The following PRKAR1B variants were observed in gnomAD, a reference collection of about 807,000 sequenced individuals.
The protein encoded by PRKAR1B is protein kinase cAMP-dependent type I regulatory subunit beta.
In PRKAR1B, 22 loss-of-function variants were observed where a neutral mutation model predicts 46.5. The ratio of observed to expected loss-of-function variants is 0.47; its 90% CI spans 0.34 to 0.68. The LOEUF (loss-of-function observed/expected upper bound fraction) is 0.68. PRKAR1B is among the 30% of genes least tolerant of loss of function. The pLI is 0.01. For synonymous variants in PRKAR1B, 259 were observed against 217.7 expected (o/e 1.19, Z -1.67); for missense variants, 445 against 535.6 (o/e 0.83, Z 1.67).
At chr7:590,515 GC>G (rs758616783) in intron 7 of PRKAR1B, among the ~76,000 whole-genome samples, 27 of 152,356 alleles carry the variant, frequency 1.8e-4, no homozygotes, top group South Asian at 6.2e-4. Flanking sequence ...CAAGAGGCCA[GC>G]ATCCGGGGAG....
intron 2 of PRKAR1B, chr7:691,897 G>A (rs35192495): frequency 0.11 from 126,324 of 1,110,660 alleles, 7,940 homozygotes; most frequent in African/African-American, 0.2. Flanking sequence ...TGGCACAGAC[G>A]CCTCCCTGGA....
intron 2 of PRKAR1B, among the ~76,000 whole-genome samples, chr7:706,585 ATTTTTTTTTTT>A (rs754034242): frequency 6.2e-5 from 7 of 113,766 alleles, no homozygotes; most frequent in Admixed American, 2.8e-4. Context: ...TGCCCAGCTA[ATTTTTTTTTTT>A]TTTTTTTTTT....
chr7:596,439 G>A, intron 6 of PRKAR1B, 135 bp from the exon 7 acceptor site: 1 of 1,113,810 alleles, frequency 9.0e-7, no homozygotes, highest in East Asian at 2.6e-5. Context: ...TTTCGCTTGT[G>A]GGCAGAGCCC....
rs1166947058 is a variant in PRKAR1B at position 690,993 on chromosome 7, C to A, written c.178-10267G>T. ...CCATCGGCTCTGCTGCAAATCCTACCCGAAGGGTCCCGCGCCCACCCACAC... is the reference window on the plus strand; with the variant it reads ...CCATCGGCTCTGCTGCAAATCCTACACGAAGGGTCCCGCGCCCACCCACAC... On this transcript the variant is annotated intron_variant, in intron 2 of 10. Transcript: ENST00000537384. 2.6e-5 allele frequency among the ~76,000 whole-genome samples: 4 copies of A among 152,194 alleles called. No homozygotes were observed. The East Asian group carries it at 7.7e-4, about 29-fold the overall frequency.
Position 578,344 on chromosome 7 carries a change from C to T in PRKAR1B, c.891+912G>A, listed in dbSNP as rs906635144. On this transcript the variant is annotated intron_variant, in intron 9 of 10. Transcript: ENST00000537384. Reference sequence around the variant, plus strand: ...GCCCCAGCACATCCCGGGAGCTCCACGGAGCCACCTGTCGCCTGCCTGTGG... The same window carrying T: ...GCCCCAGCACATCCCGGGAGCTCCATGGAGCCACCTGTCGCCTGCCTGTGG... 7.2e-5 allele frequency among the ~76,000 whole-genome samples: 11 copies of T among 152,348 alleles called. No individual in the cohort carries two copies. In the East Asian group the frequency reaches 7.7e-4, roughly 11 times the overall value.
intron 2 of PRKAR1B, among the ~76,000 whole-genome samples, chr7:709,081 G>A (rs1191047509): frequency 4.4e-5 from 5 of 113,610 alleles, no homozygotes; most frequent in East Asian, 2.8e-4. Flanking sequence ...GTGAGCCACC[G>A]CACCCACCAG....
chr7:550,059 G>A lies in PRKAR1B; in HGVS notation c.*371C>T, dbSNP rs1046674668. 17 of 223,166 alleles carry A rather than the reference G, an allele frequency of 7.6e-5. No homozygotes were observed. In the South Asian group the frequency reaches 1.0e-3, roughly 13 times the overall value. The allele number at this position is 223,166 out of a possible 1,614,324, so 13.8% of individuals were successfully genotyped here. On this transcript the variant is annotated 3_prime_UTR_variant, in exon 11 of 11. Coordinates refer to ENST00000537384, the MANE Select transcript of PRKAR1B (RefSeq NM_001164760.2). ...GGACCTGACCTCACAGGGTCACCAG[G>A]CCCCAGGGGCAACGTCCTGGCCTGG...
intron 3 of PRKAR1B, among the ~76,000 whole-genome samples, chr7:679,513 A>G (rs1055182661): frequency 3.9e-5 from 6 of 152,232 alleles, no homozygotes; most frequent in East Asian, 1.9e-4. Context: ...ATTTTTAACA[A>G]TGCTTGCGCT....
chr7:641,113 C>G (rs972740853), intron 4 of PRKAR1B, among the ~76,000 whole-genome samples: 42 of 152,154 alleles, frequency 2.8e-4, no homozygotes, highest in African/African-American at 1.0e-3. Flanking sequence ...CCACCACGCC[C>G]GGCTAATTTT....
intron 4 of PRKAR1B, among the ~76,000 whole-genome samples, chr7:631,731 C>T (rs934445558): frequency 6.6e-6 from 1 of 151,978 alleles, no homozygotes; most frequent in African/African-American, 2.4e-5. Flanking sequence ...AGGAGAGGTT[C>T]GCTTGAGCCC....
Position 648,929 on chromosome 7 carries a change from C to T in PRKAR1B, c.440+28300G>A, listed in dbSNP as rs190034855. On this transcript the variant is annotated intron_variant, in intron 4 of 10. Coordinates refer to ENST00000537384, the MANE Select transcript of PRKAR1B (RefSeq NM_001164760.2). The stretch of plus-strand genomic sequence containing the variant: ...CTGTAATCCCAGCACTTTGGGAGGC[C>T]GAGGCAGGTGGATCGCCTGAGGTCA... 1.7e-4 allele frequency among the ~76,000 whole-genome samples: 26 copies of T among 152,154 alleles called. No individual in the cohort carries two copies. In the East Asian group the frequency reaches 4.6e-3, roughly 27 times the overall value.
chr7:578,359 C>T (rs953037180), intron 9 of PRKAR1B, among the ~76,000 whole-genome samples: 1 of 152,242 alleles, frequency 6.6e-6, no homozygotes, highest in Non-Finnish European at 1.5e-5. Flanking sequence ...CCACCTGTCG[C>T]CTGCCTGTGG....
chr7:704,880 C>T (rs551873115), intron 2 of PRKAR1B, among the ~76,000 whole-genome samples: 1 of 152,150 alleles, frequency 6.6e-6, no homozygotes, highest in African/African-American at 2.4e-5. Flanking sequence ...AACAGACAAC[C>T]TAATAAGAAA....
intron 2 of PRKAR1B, among the ~76,000 whole-genome samples, chr7:690,295 CA>C (rs948406327): frequency 3.6e-4 from 49 of 135,592 alleles, no homozygotes; most frequent in Admixed American, 3.7e-4. Flanking sequence ...GACTCTGTCT[CA>C]AAAAAAAAAA....
chr7:705,328 GA>G (rs375633603), intron 2 of PRKAR1B, among the ~76,000 whole-genome samples: 19,372 of 134,190 alleles, frequency 0.14, 1,497 homozygotes, highest in Middle Eastern at 0.21. Flanking sequence ...AAAGAAAAAA[GA>G]AAAAAAAAAA....
intron 4 of PRKAR1B, among the ~76,000 whole-genome samples, chr7:612,469 TGGATGGATGTAA>T (rs1434739807): frequency 6.9e-6 from 1 of 145,256 alleles, no homozygotes; most frequent in East Asian, 2.0e-4. Flanking sequence ...GATGGATGGA[TGGATGGATGTAA>T]GGATGGATGA....
intron 6 of PRKAR1B, among the ~76,000 whole-genome samples, chr7:604,175 C>T (rs547865905): frequency 3.9e-5 from 6 of 152,336 alleles, no homozygotes; most frequent in Non-Finnish European, 7.4e-5. Flanking sequence ...CCTCCTGGGA[C>T]GGGCCCAGGC....
intron 6 of PRKAR1B, among the ~76,000 whole-genome samples, chr7:601,824 T>A (rs2128460160): frequency 6.6e-6 from 1 of 151,316 alleles, no homozygotes; most frequent in Admixed American, 6.6e-5. Flanking sequence ...GGCTCAGACA[T>A]CCTGGCTCTG....
intron 4 of PRKAR1B, among the ~76,000 whole-genome samples, chr7:676,722 C>T (rs369818987): frequency 1.6e-4 from 25 of 152,328 alleles, no homozygotes; most frequent in African/African-American, 5.8e-4. Flanking sequence ...TGGCGCCGAG[C>T]GTTCTGTATT....
Sources: allele counts gnomAD v4.1 joint callset (sites outside exome capture counted in the v4.1 genomes callset), GRCh38; gene constraint gnomAD v4.1.1; transcripts MANE v1.5; gene names NCBI Gene and HGNC (gene_info 2026-07-23, HGNC 2026-07-21).